The following INSR variants were observed in gnomAD, a reference collection of about 807,000 sequenced individuals.
The protein encoded by INSR is insulin receptor.
In INSR, 67 loss-of-function variants were observed where a neutral mutation model predicts 142.6. That is an observed-to-expected ratio of 0.47 (90% CI 0.39 to 0.58). INSR has a LOEUF of 0.58. Among genes scored for constraint, INSR ranks in the 20% least tolerant of loss-of-function variants. INSR has a pLI of 0.00. For synonymous variants in INSR, 756 were observed against 743.1 expected (o/e 1.02, Z -0.28); for missense variants, 1,248 against 1,833.2 (o/e 0.68, Z 5.83).
intron 1 of INSR, among the ~76,000 whole-genome samples, chr19:7,269,801 G>A (rs907346460): frequency 3.3e-5 from 5 of 152,118 alleles, no homozygotes; most frequent in African/African-American, 9.7e-5. Context: ...TGACTGGCAG[G>A]GTTGCCAGAC....
intron 13 of INSR, among the ~76,000 whole-genome samples, chr19:7,138,865 AG>A (rs1336549254): frequency 1.3e-5 from 2 of 152,192 alleles, no homozygotes; most frequent in Admixed American, 1.3e-4. Flanking sequence ...TAATACATAT[AG>A]GATAATATAT....
rs900392815 is a variant in INSR, at chr19:7,293,962, C to A, written c.-71G>T. ...GGCCCGCGGGGGTCATGCTCCGAGG[C>A]GGCCACCCAAGAGGCGCTGGGGGCC... On this transcript the variant is annotated 5_prime_UTR_variant, in exon 1 of 22. Transcript: ENST00000302850. 1 of 1,142,898 alleles carries A rather than the reference C, an allele frequency of 8.7e-7. No individual in the cohort carries two copies. The highest frequency in any genetic ancestry group is 1.1e-6 in the Non-Finnish European group (1 of 932,070). 70.8% of individuals were successfully genotyped at this position (1,142,898 alleles called of 1,614,324 possible).
intron 2 of INSR, among the ~76,000 whole-genome samples, chr19:7,233,832 CA>C (rs1470315447): frequency 5.3e-5 from 8 of 150,950 alleles, no homozygotes; most frequent in African/African-American, 2.0e-4. Flanking sequence ...CCCGCCACCA[CA>C]CCCGGCTAAT....
At chr19:7,206,242 A>C (rs1975102132) in intron 2 of INSR, among the ~76,000 whole-genome samples, 1 of 152,072 alleles carries the variant, frequency 6.6e-6, no homozygotes, top group African/African-American at 2.4e-5. Flanking sequence ...ATCATAGCTC[A>C]CTGCAGCTTC....
chr19:7,216,897 G>A lies in INSR; in HGVS notation c.653-32260C>T, dbSNP rs7252150. Among the ~76,000 whole-genome samples the A allele has an allele frequency of 0.53, 80,094 of 151,894 alleles. 24,703 individuals are homozygous for A. Among genetic ancestry groups the A allele is most frequent in the Non-Finnish European group, 0.69 (46,889 of 67,972 alleles). ...TGCAATCATGGCTCACTGCAGCCTC[G>A]AACTCCTGGGCTCAAGCAATCCTCC... On this transcript the variant is annotated intron_variant, in intron 2 of 21. Transcript: ENST00000302850. This position sits in a 1 kb window ranked among gnomAD's most constrained non-coding sequence, Gnocchi z 4.2.
intron 8 of INSR, among the ~76,000 whole-genome samples, chr19:7,164,281 G>T (rs1973837988): frequency 1.3e-5 from 2 of 152,094 alleles, no homozygotes; most frequent in Non-Finnish European, 2.9e-5. Flanking sequence ...CATCTCCACA[G>T]CTGTAACAAC....
At chr19:7,252,392 C>G (rs749866861) in intron 2 of INSR, among the ~76,000 whole-genome samples, 1 of 151,328 alleles carries the variant, frequency 6.6e-6, no homozygotes, top group Non-Finnish European at 1.5e-5. Flanking sequence ...GGTGACAGAG[C>G]AAGACTCCAT....
chr19:7,203,805 G>A (rs1410681866), intron 2 of INSR, among the ~76,000 whole-genome samples: 1 of 131,776 alleles, frequency 7.6e-6, no homozygotes, highest in Non-Finnish European at 1.6e-5. Context: ...ACATTCCATC[G>A]TGACAAAAGG....
intron 1 of INSR, among the ~76,000 whole-genome samples, chr19:7,278,716 T>C (rs1026629681): frequency 2.3e-5 from 3 of 128,012 alleles, no homozygotes; most frequent in African/African-American, 9.1e-5. Context: ...AAAATTAGCC[T>C]GGTGTGGTGG....
chr19:7,209,661 G>A (rs1180791158), intron 2 of INSR, among the ~76,000 whole-genome samples: 3 of 151,680 alleles, frequency 2.0e-5, no homozygotes, highest in South Asian at 4.2e-4. Context: ...CGATCCTCCC[G>A]TCTCAGCCTC....
intron 9 of INSR, among the ~76,000 whole-genome samples, chr19:7,157,664 G>A (rs935581685): frequency 2.0e-5 from 3 of 151,960 alleles, no homozygotes; most frequent in Non-Finnish European, 4.4e-5. Flanking sequence ...CTCTGGTACA[G>A]CCACTGAGAT....
intron 1 of INSR, among the ~76,000 whole-genome samples, chr19:7,284,128 C>T (rs1030021280): frequency 1.1e-4 from 17 of 150,812 alleles, no homozygotes; most frequent in African/African-American, 3.9e-4. Flanking sequence ...GCAGTGGCAC[C>T]GCCTTGGCTC....
intron 2 of INSR, among the ~76,000 whole-genome samples, chr19:7,261,030 G>T (rs1031565570): frequency 2.6e-5 from 4 of 152,008 alleles, no homozygotes; most frequent in African/African-American, 9.7e-5. Flanking sequence ...TGGGGTTACA[G>T]GCACCTGCCA....
chr19:7,254,331 CAT>C (rs1388587935), intron 2 of INSR, among the ~76,000 whole-genome samples: 1 of 151,926 alleles, frequency 6.6e-6, no homozygotes, highest in African/African-American at 2.4e-5. Flanking sequence ...GCCTGGGAAA[CAT>C]AGCAAGACTC....
intron 1 of INSR, among the ~76,000 whole-genome samples, chr19:7,271,243 C>A (rs906640860): frequency 1.3e-5 from 2 of 152,130 alleles, no homozygotes; most frequent in Non-Finnish European, 2.9e-5. Context: ...CACTTGTAAT[C>A]CCAGTTCTTT....
At chr19:7,187,141 A>G (rs1440317053) in intron 2 of INSR, among the ~76,000 whole-genome samples, 1 of 148,556 alleles carries the variant, frequency 6.7e-6, no homozygotes, top group African/African-American at 2.5e-5. Flanking sequence ...GAGTGCAGTG[A>G]CTCGATCTCG....
intron 17 of INSR, among the ~76,000 whole-genome samples, chr19:7,124,854 C>T (rs1269893724): frequency 2.0e-5 from 3 of 150,686 alleles, no homozygotes; most frequent in African/African-American, 7.3e-5. Context: ...AGAGTAGGAA[C>T]GAGGGCAGGT....
At chr19:7,190,895 T>C (rs1263741720) in intron 2 of INSR, among the ~76,000 whole-genome samples, 1 of 152,244 alleles carries the variant, frequency 6.6e-6, no homozygotes, top group Non-Finnish European at 1.5e-5. Flanking sequence ...TGTGAGGTGA[T>C]AGCTTTTAAA....
intron 9 of INSR, among the ~76,000 whole-genome samples, chr19:7,153,129 CCACACACCA>C (rs1973448757): frequency 3.6e-4 from 2 of 5,628 alleles, no homozygotes; most frequent in South Asian, 6.0e-3. Flanking sequence ...CACACACACA[CCACACACCA>C]CACACACCAC....
Sources: gnomAD v4.1 joint callset for allele counts (sites outside exome capture counted in the v4.1 genomes callset) on GRCh38, gnomAD v4.1.1 for gene constraint, Gnocchi (gnomAD v3.1) non-coding constraint, MANE v1.5 for transcripts, NCBI Gene and HGNC (gene_info 2026-07-23, HGNC 2026-07-21) for gene names.